Variants in IQSEC1 observed in about 807,000 individuals in gnomAD.
IQSEC1 encodes IQ motif and Sec7 domain ArfGEF 1, also known as IQ motif and SEC7 domain-containing protein 1.
IQSEC1 carries 31 observed loss-of-function variants against 91.0 expected under a neutral mutation model. The observed-to-expected ratio is 0.34, with a 90% CI of 0.26 to 0.46. The LOEUF (loss-of-function observed/expected upper bound fraction) is 0.46, where lower values mean the gene tolerates loss of function less well. IQSEC1 is among the 20% of genes least tolerant of loss of function. The pLI, the probability that IQSEC1 is intolerant of heterozygous loss-of-function variation, is 1.00. For synonymous variants in IQSEC1, 699 were observed against 662.6 expected (o/e 1.05, Z -0.84); for missense variants, 1,388 against 1,575.6 (o/e 0.88, Z 2.02).
At chr3:13,231,564 C>A (rs906169512) in intron 1 of IQSEC1, among the ~76,000 whole-genome samples, 4 of 150,350 alleles carry the variant, frequency 2.7e-5, no homozygotes, top group African/African-American at 9.8e-5. Context: ...AACGGCCCCA[C>A]CTTCAAATAT....
At chr3:13,090,495 C>T (rs1002462542) in intron 2 of IQSEC1, among the ~76,000 whole-genome samples, 3 of 152,270 alleles carry the variant, frequency 2.0e-5, no homozygotes, top group South Asian at 2.1e-4. Flanking sequence ...ACCCCCATCC[C>T]GTGTTGCACC....
intron 1 of IQSEC1, among the ~76,000 whole-genome samples, chr3:13,014,393 T>A (rs1396915812): frequency 2.0e-5 from 3 of 152,202 alleles, no homozygotes; most frequent in Non-Finnish European, 4.4e-5. Flanking sequence ...ATCTGTCCCA[T>A]GTCACATGGC....
At chr3:13,183,336 C>T (rs73132652) in intron 1 of IQSEC1, among the ~76,000 whole-genome samples, 10,971 of 151,378 alleles carry the variant, frequency 0.072, 1,266 homozygotes, top group African/African-American at 0.24. Context: ...GTAATCCCAG[C>T]ACTTTGGGAG....
At chr3:13,099,357 T>C (rs1458133228) in intron 2 of IQSEC1, among the ~76,000 whole-genome samples, 2 of 152,220 alleles carry the variant, frequency 1.3e-5, no homozygotes, top group Non-Finnish European at 2.9e-5. Context: ...TATGAGAATT[T>C]GACAAATTTA....
intron 1 of IQSEC1, among the ~76,000 whole-genome samples, chr3:13,256,854 C>G (rs1303397006): frequency 6.6e-6 from 1 of 151,816 alleles, no homozygotes; most frequent in Non-Finnish European, 1.5e-5. Context: ...CCTCACCTAC[C>G]CTGGGGAGAG....
intron 2 of IQSEC1, among the ~76,000 whole-genome samples, chr3:13,112,998 G>A (rs910473239): frequency 1.3e-5 from 2 of 152,230 alleles, no homozygotes; most frequent in Admixed American, 1.3e-4. Context: ...AACTCACTGT[G>A]AGCATCAGTC....
Position 12,934,490 on chromosome 3 carries a change from G to A in IQSEC1, c.1568+958C>T, listed in dbSNP as rs187520777. ...CTTTGAGGTGGCCAGGTCCCACTGC[G>A]CCATTCATCACCCTAGTTTGACCTC... is the stretch of plus-strand genomic sequence containing the variant. On this transcript the variant is annotated intron_variant, in intron 3 of 13. Transcript: ENST00000613206. 3.3e-5 allele frequency among the ~76,000 whole-genome samples: 5 copies of A among 152,292 alleles called. No homozygotes were observed. The East Asian group carries it at 5.8e-4, about 18-fold the overall frequency.
chr3:12,939,077 C>G (rs1268786218), intron 2 of IQSEC1, among the ~76,000 whole-genome samples: 2 of 152,192 alleles, frequency 1.3e-5, no homozygotes, highest in Non-Finnish European at 2.9e-5. Flanking sequence ...TGCTGGGGAC[C>G]CCCATACCCT....
chr3:13,266,487 G>A (rs545850093), intron 1 of IQSEC1, among the ~76,000 whole-genome samples: 6 of 152,292 alleles, frequency 3.9e-5, no homozygotes, highest in South Asian at 2.1e-4. Context: ...CAGACCCTGC[G>A]CAGGGACTTT....
At chr3:13,086,286 G>A (rs940860348) in intron 2 of IQSEC1, among the ~76,000 whole-genome samples, 5 of 151,968 alleles carry the variant, frequency 3.3e-5, no homozygotes, top group African/African-American at 7.2e-5. Flanking sequence ...AGATGATGCC[G>A]GTTTGTGCCC....
chr3:13,103,201 C>T lies in IQSEC1; in HGVS notation c.303-55679G>A, dbSNP rs1313561899. 2.0e-5 allele frequency among the ~76,000 whole-genome samples: 3 copies of T among 152,110 alleles called. No individual in the cohort carries two copies. Among genetic ancestry groups the T allele is most frequent in the Non-Finnish European group, 2.9e-5 (2 of 68,020 alleles). Reference sequence around the variant, plus strand: ...AGGGAAGGGGCCTGCATCGAACTCTCGCCACCTCCCTAAGCCAGAGCTGTC... The same window carrying T: ...AGGGAAGGGGCCTGCATCGAACTCTTGCCACCTCCCTAAGCCAGAGCTGTC... On this transcript the variant is annotated intron_variant, in intron 2 of 15. Transcript: ENST00000648114. This position sits in a 1 kb window ranked among gnomAD's most constrained non-coding sequence, Gnocchi z 4.1.
chr3:12,942,141 A>G (rs1698811908), intron 1 of IQSEC1, among the ~76,000 whole-genome samples: 1 of 152,136 alleles, frequency 6.6e-6, no homozygotes, highest in Admixed American at 6.5e-5. Context: ...CATCATCCAC[A>G]TGCAAATGCC....
At chr3:13,043,024 C>A (rs952291997) in intron 1 of IQSEC1, among the ~76,000 whole-genome samples, 5 of 152,126 alleles carry the variant, frequency 3.3e-5, no homozygotes, top group African/African-American at 1.2e-4. Flanking sequence ...GAAAGGCAGG[C>A]GAAGGAAGAC....
In IQSEC1 at chr3:12,900,831, TGGGCTCCTG is replaced by T. The variant is rs1237515561; in HGVS notation, c.*143_*151del. ...TTTGTTCCACACAACACCAGCCCTGTGGGCTCCTGGGGCTCCGGTTGGGCCGTGAGGGGC... is the reference window on the plus strand; with the variant it reads ...TTTGTTCCACACAACACCAGCCCTGTGGGCTCCGGTTGGGCCGTGAGGGGC... On this transcript the variant is annotated 3_prime_UTR_variant, in exon 14 of 14. Transcript: ENST00000613206. 2 of 1,510,628 alleles carry T rather than the reference TGGGCTCCTG, an allele frequency of 1.3e-6. No homozygotes were observed. The highest frequency in any genetic ancestry group is 2.5e-5 in the East Asian group (1 of 40,724). The allele number at this position is 1,510,628 out of a possible 1,614,324, so 93.6% of individuals were successfully genotyped here. A position where few individuals can be genotyped will look rare whatever the true frequency, so the allele number is the denominator to read the frequency against.
At chr3:12,912,892 T>C (rs1292987458) in intron 9 of IQSEC1, among the ~76,000 whole-genome samples, 1 of 152,116 alleles carries the variant, frequency 6.6e-6, no homozygotes, top group Non-Finnish European at 1.5e-5. Flanking sequence ...AGTCCATAGG[T>C]CTTGCAGGGA....
chr3:13,056,266 G>A (rs765641551), intron 1 of IQSEC1, among the ~76,000 whole-genome samples: 1 of 152,006 alleles, frequency 6.6e-6, no homozygotes, highest in Admixed American at 6.5e-5. Flanking sequence ...TGGGGGAGGG[G>A]TGTACCTGCA....
intron 1 of IQSEC1, among the ~76,000 whole-genome samples, chr3:13,033,804 C>A (rs1703933303): frequency 6.6e-6 from 1 of 152,112 alleles, no homozygotes; most frequent in Non-Finnish European, 1.5e-5. Flanking sequence ...TGGAAGAGGA[C>A]CACCCAGCCT....
At position 13,018,888 on chromosome 3, in the gene IQSEC1, G is replaced by A. The variant is rs140173263; in HGVS notation, c.23+54104C>T. ...GTAGGAAGGGGCTGAGCCCAGTTTT[G>A]AACTCAGGTCAGCCTGATTTCTGAG... On this transcript the variant is annotated intron_variant, in intron 1 of 13. Coordinates refer to ENST00000613206, the MANE Select transcript of IQSEC1 (RefSeq NM_001134382.3). Among the ~76,000 whole-genome samples the A allele has an allele frequency of 2.2e-3, 328 of 152,310 alleles. 1 individual carries two copies. The highest frequency in any genetic ancestry group is 7.5e-3 in the African/African-American group (311 of 41,566).
At chr3:13,159,834 T>G (rs764540103) in intron 2 of IQSEC1, among the ~76,000 whole-genome samples, 6 of 152,170 alleles carry the variant, frequency 3.9e-5, no homozygotes, top group Non-Finnish European at 8.8e-5. Context: ...GCCCTGGCAC[T>G]TTCAAACCAG....
Sources: gnomAD v4.1 joint callset for allele counts (sites outside exome capture counted in the v4.1 genomes callset) on GRCh38, gnomAD v4.1.1 for gene constraint, Gnocchi (gnomAD v3.1) non-coding constraint, MANE v1.5 for transcripts, NCBI Gene and HGNC (gene_info 2026-07-23, HGNC 2026-07-21) for gene names.